The following RPA3 variants were observed in gnomAD, a reference collection of about 807,000 sequenced individuals.
RPA3 encodes replication protein A 14 kDa subunit.
A neutral mutation model predicts 13.7 loss-of-function variants in RPA3; 24 were observed. The ratio of observed to expected loss-of-function variants is 1.75; its 90% CI spans 1.27 to 2.46. The LOEUF is 2.46. RPA3 is among the 30% of genes most tolerant of loss of function. RPA3 has a pLI of 0.00. For synonymous variants in RPA3, 59 were observed against 51.2 expected (o/e 1.15, Z -0.65); for missense variants, 183 against 151.0 (o/e 1.21, Z -1.11).
intron 1 of RPA3, among the ~76,000 whole-genome samples, chr7:7,717,173 C>T (rs1226958392): frequency 1.3e-5 from 2 of 151,642 alleles, no homozygotes; most frequent in Non-Finnish European, 2.9e-5. Flanking sequence ...TCTCTCACCT[C>T]TGCCTCCCGC....
At chr7:7,660,347 A>G (rs1001974846) in intron 4 of RPA3, among the ~76,000 whole-genome samples, 3 of 152,192 alleles carry the variant, frequency 2.0e-5, no homozygotes, top group African/African-American at 7.2e-5. Context: ...TGCCATTATT[A>G]TGCCAGCTGG....
At chr7:7,696,840 CT>C (rs113254851) in intron 2 of RPA3, among the ~76,000 whole-genome samples, 169 of 146,588 alleles carry the variant, frequency 1.2e-3, no homozygotes, top group African/African-American at 2.3e-3. Context: ...CTTTCTTCTT[CT>C]TTTTTTTTTT....
Position 7,636,872 on chromosome 7 carries a change from G to T in RPA3, c.*128C>A. 1 of 724,442 alleles carries T rather than the reference G, an allele frequency of 1.4e-6. No individual in the cohort carries two copies. Among genetic ancestry groups the T allele is most frequent in the Non-Finnish European group, 2.4e-6 (1 of 418,966 alleles). 44.9% of individuals were successfully genotyped at this position (724,442 alleles called of 1,614,324 possible). A position where few individuals can be genotyped will look rare whatever the true frequency, so the allele number is the denominator to read the frequency against. On this transcript the variant is annotated 3_prime_UTR_variant, in exon 8 of 8. Coordinates refer to ENST00000223129, the MANE Select transcript of RPA3 (RefSeq NM_002947.5). ...TATATCAGTTCCATCAAAAACTCTA[G>T]GTTGGAATATCTTAAAAACAGCAAA...
intron 4 of RPA3, among the ~76,000 whole-genome samples, chr7:7,683,014 C>T (rs947674533): frequency 3.3e-5 from 5 of 152,182 alleles, no homozygotes; most frequent in Admixed American, 1.3e-4. Flanking sequence ...TAGGTTAGGC[C>T]ATCCCCGTGT....
intron 4 of RPA3, among the ~76,000 whole-genome samples, chr7:7,641,890 C>T (rs1784981757): frequency 6.6e-6 from 1 of 152,190 alleles, no homozygotes; most frequent in East Asian, 1.9e-4. Flanking sequence ...AAATGATAGT[C>T]TCCCTTAGTG....
chr7:7,639,287 A>T, intron 5 of RPA3, 143 bp from the exon 6 acceptor site: 1 of 579,646 alleles, frequency 1.7e-6, no homozygotes, highest in Non-Finnish European at 3.0e-6. Context: ...TATTGGATCA[A>T]ATTATAATCT....
chr7:7,665,392 G>A (rs1179918030), intron 4 of RPA3, among the ~76,000 whole-genome samples: 1 of 152,134 alleles, frequency 6.6e-6, no homozygotes, highest in African/African-American at 2.4e-5. Context: ...ATGCAGAAAA[G>A]AAACATTTTG....
intron 7 of RPA3, among the ~76,000 whole-genome samples, chr7:7,637,589 ATGTT>A (rs55905702): frequency 2.9e-4 from 44 of 151,020 alleles, no homozygotes; most frequent in African/African-American, 9.4e-4. Context: ...GTTTTCCTGT[ATGTT>A]TATGTTATGT....
intron 4 of RPA3, among the ~76,000 whole-genome samples, chr7:7,684,321 A>G (rs1045966208): frequency 6.6e-6 from 1 of 151,812 alleles, no homozygotes; most frequent in East Asian, 1.9e-4. Context: ...CATGCCTCAG[A>G]GTCCCAAGTA....
chr7:7,694,012 T>G (rs1305526790), intron 2 of RPA3, among the ~76,000 whole-genome samples: 2 of 152,182 alleles, frequency 1.3e-5, no homozygotes, highest in Non-Finnish European at 2.9e-5. Flanking sequence ...TTTGTTGATA[T>G]AAGGCAACTG....
rs191690794 is a variant in RPA3 at position 7,685,837 on chromosome 7, G to C, written c.-765C>G. On this transcript the variant is annotated 5_prime_UTR_variant, in exon 4 of 8. Coordinates refer to ENST00000223129, the MANE Select transcript of RPA3 (RefSeq NM_002947.5). ...ATAGAATTATGGTCTTACCTTGGAA[G>C]AATAGTATCTCATAAAATAAGTAAG... 6.6e-6 allele frequency: 1 copy of C among 152,218 alleles called. No homozygotes were observed. Among genetic ancestry groups the C allele is most frequent in the Non-Finnish European group, 1.5e-5 (1 of 68,036 alleles). 9.4% of individuals were successfully genotyped at this position (152,218 alleles called of 1,614,324 possible). A position where few individuals can be genotyped will look rare whatever the true frequency, so the allele number is the denominator to read the frequency against.
rs148183996 is a variant in RPA3 at position 7,660,090 on chromosome 7, A to C, written c.-757-18915T>G. On this transcript the variant is annotated intron_variant, in intron 4 of 7. Transcript: ENST00000223129. The stretch of plus-strand genomic sequence containing the variant: ...TGTCTCTTTTGATCTTTGTTGGTTT[A>C]AAGTCTGTTTTATCAGAGACTACGA... Among the ~76,000 whole-genome samples the C allele has an allele frequency of 5.3e-3, 809 of 152,264 alleles. 3 individuals carry two copies. The highest frequency in any genetic ancestry group is 7.7e-3 in the Admixed American group (118 of 15,296).
rs572890160 is a variant in RPA3 at position 7,673,493 on chromosome 7, G to A, written c.-758+12337C>T. ...GAAACAAAATAATTAGATGAATTAT[G>A]TTCTCTTTAAAAAATTACTTGAAAA... On this transcript the variant is annotated intron_variant, in intron 4 of 7. Transcript: ENST00000223129. 1.5e-4 allele frequency: 105 copies of A among 696,612 alleles called. No homozygotes were observed. In the African/African-American group the frequency reaches 1.6e-3, roughly 11 times the overall value. The allele number at this position is 696,612 out of a possible 1,614,324, so 43.2% of individuals were successfully genotyped here. A position where few individuals can be genotyped will look rare whatever the true frequency, so the allele number is the denominator to read the frequency against.
Position 7,646,371 on chromosome 7 carries a change from G to T in RPA3, c.-757-5196C>A, listed in dbSNP as rs139347243. On this transcript the variant is annotated intron_variant, in intron 4 of 7. Transcript: ENST00000223129. The stretch of plus-strand genomic sequence containing the variant: ...TTCCCATGTGTTGTGGGAGGGACCC[G>T]ATGAGAGATAACTGAATCATGGGGA... 5.6e-3 allele frequency among the ~76,000 whole-genome samples: 850 copies of T among 151,906 alleles called. 7 individuals carry two copies. The highest frequency in any genetic ancestry group is 9.2e-3 in the Non-Finnish European group (623 of 67,980).
At chr7:7,695,580 A>G (rs1359139772) in intron 2 of RPA3, among the ~76,000 whole-genome samples, 5 of 152,138 alleles carry the variant, frequency 3.3e-5, no homozygotes, top group Non-Finnish European at 7.4e-5. Context: ...GTTCTTTGGC[A>G]CTAGCAGCCG....
intron 4 of RPA3, among the ~76,000 whole-genome samples, chr7:7,669,063 G>C (rs533600822): frequency 6.9e-6 from 1 of 143,934 alleles, no homozygotes; most frequent in South Asian, 2.2e-4. Context: ...TATATAGACA[G>C]TGGCCCCAGC....
intron 4 of RPA3, chr7:7,641,527 C>G (rs1784974320): frequency 6.6e-6 from 1 of 152,178 alleles, no homozygotes; most frequent in African/African-American, 2.4e-5. Context: ...AGCAGTCTTT[C>G]TGTCGTTGCC....
At chr7:7,642,407 C>A (rs1165328471) in intron 4 of RPA3, among the ~76,000 whole-genome samples, 1 of 151,998 alleles carries the variant, frequency 6.6e-6, no homozygotes, top group African/African-American at 2.4e-5. Context: ...CTCCCTCCCC[C>A]GTCTCCCTCC....
intron 6 of RPA3, 156 bp downstream of exon 6, chr7:7,638,912 TGA>T (rs148234474): frequency 0.022 from 10,075 of 457,094 alleles, 168 homozygotes; most frequent in South Asian, 0.065. Flanking sequence ...GGAAATATAA[TGA>T]GAGAATAGTA....
Sources: gnomAD v4.1 joint callset for allele counts (sites outside exome capture counted in the v4.1 genomes callset) on GRCh38, gnomAD v4.1.1 for gene constraint, MANE v1.5 for transcripts, NCBI Gene and HGNC (gene_info 2026-07-23, HGNC 2026-07-21) for gene names.